PAQR3: variants seen among roughly 807,000 people sequenced by gnomAD.
PAQR3 encodes Raf kinase trapping to Golgi.
A neutral mutation model predicts 41.7 loss-of-function variants in PAQR3; 39 were observed. The observed-to-expected ratio is 0.93, with a 90% CI of 0.72 to 1.22. The LOEUF (loss-of-function observed/expected upper bound fraction) is 1.22, where lower values mean the gene tolerates loss of function less well. PAQR3 is among the 50% of genes most tolerant of loss of function. The pLI is 0.00. For synonymous variants in PAQR3, 140 were observed against 140.6 expected (o/e 1.00, Z 0.03); for missense variants, 366 against 385.6 (o/e 0.95, Z 0.42).
In PAQR3 at chr4:78,917,740, A is replaced by G; in HGVS notation, c.*2799T>C. ...TGCCCCTTGACATTTAATACAGGGC[A>G]AAGTATTATCTAGTAGGTACCTGCC... On this transcript the variant is annotated 3_prime_UTR_variant, in exon 6 of 6. Coordinates refer to ENST00000512733, the MANE Select transcript of PAQR3 (RefSeq NM_001040202.2). 6.6e-6 allele frequency: 6 copies of G among 906,878 alleles called. No homozygotes were observed. The highest frequency in any genetic ancestry group is 7.9e-6 in the Non-Finnish European group (6 of 758,458). 56.2% of individuals were successfully genotyped at this position (906,878 alleles called of 1,614,324 possible).
Position 78,939,107 on chromosome 4 carries a change from G to A in PAQR3, c.118C>T (p.Leu40Phe). The A allele has an allele frequency of 1.2e-6, 2 of 1,613,752 alleles. No homozygotes were observed. The highest frequency in any genetic ancestry group is 1.7e-6 in the Non-Finnish European group (2 of 1,179,822). ...TCGGTGATGTACGGGTTGTCCTTGA[G>A]GGACCCGGGGATCTGCTCGTAGGTG... ...LYTYEQIPGS[L>F]KDNPYITDGY... Residue 40 changes from leucine (L) to phenylalanine (F), a missense_variant, in exon 1 of 6, where the codon CTC becomes TTC. Physicochemically the swap from Leu to Phe is conservative, Grantham distance 22. Coordinates refer to ENST00000512733, the MANE Select transcript of PAQR3 (RefSeq NM_001040202.2).
Position 78,920,073 on chromosome 4 carries a change from T to C in PAQR3, c.*466A>G. ...GATTATTTAAATCTAGTGATTTTAG[T>C]GATTATTTAAAATCACTATCCTAGC... On this transcript the variant is annotated 3_prime_UTR_variant, in exon 6 of 6. Transcript: ENST00000512733. The C allele has an allele frequency of 1.0e-6, 1 of 985,006 alleles. No individual in the cohort carries two copies. The highest frequency in any genetic ancestry group is 1.2e-6 in the Non-Finnish European group (1 of 829,224). The allele number at this position is 985,006 out of a possible 1,614,324, so 61.0% of individuals were successfully genotyped here.
chr4:78,920,429 T>C lies in PAQR3; in HGVS notation c.*110A>G. On this transcript the variant is annotated 3_prime_UTR_variant, in exon 6 of 6. Coordinates refer to ENST00000512733, the MANE Select transcript of PAQR3 (RefSeq NM_001040202.2). ...TCCCATTTTTATAAAGCATTACTCA[T>C]ATTAAAAAGGAAAAAGGGAAAACTA... is the stretch of plus-strand genomic sequence containing the variant. The C allele has an allele frequency of 7.1e-7, 1 of 1,398,884 alleles. No homozygotes were observed. The highest frequency in any genetic ancestry group is 9.3e-7 in the Non-Finnish European group (1 of 1,074,886). The allele number at this position is 1,398,884 out of a possible 1,614,324, so 86.7% of individuals were successfully genotyped here.
chr4:78,891,189 T>A (rs2110080311), intron 11 of PAQR3, among the ~76,000 whole-genome samples: 1 of 152,342 alleles, frequency 6.6e-6, no homozygotes, highest in Middle Eastern at 3.4e-3. Flanking sequence ...TTTTAGCTTC[T>A]CATATTTCTG....
At chr4:78,936,853 T>TA (rs1421455313) in intron 1 of PAQR3, among the ~76,000 whole-genome samples, 1 of 152,212 alleles carries the variant, frequency 6.6e-6, no homozygotes, top group African/African-American at 2.4e-5. Flanking sequence ...GCAAAACTGC[T>TA]ATGACATACA....
chr4:78,934,308 G>T (rs1310489296), intron 2 of PAQR3, among the ~76,000 whole-genome samples: 1 of 152,116 alleles, frequency 6.6e-6, no homozygotes, highest in Non-Finnish European at 1.5e-5. Context: ...CATGATGAAA[G>T]CGACATTTGT....
intron 11 of PAQR3, among the ~76,000 whole-genome samples, chr4:78,896,953 G>A (rs1361958940): frequency 6.6e-6 from 1 of 152,034 alleles, no homozygotes; most frequent in East Asian, 1.9e-4. Flanking sequence ...GCTCCCACTG[G>A]AAGTTTTCAA....
At chr4:78,895,308 C>A (rs531241223) in intron 11 of PAQR3, among the ~76,000 whole-genome samples, 1 of 152,134 alleles carries the variant, frequency 6.6e-6, no homozygotes, top group Non-Finnish European at 1.5e-5. Context: ...TTACACTGAT[C>A]TTTTTAAAGC....
chr4:78,922,239 C>A, intron 5 of PAQR3: 1 of 1,213,326 alleles, frequency 8.2e-7, no homozygotes, highest in Non-Finnish European at 1.1e-6. Flanking sequence ...ATGTTTACAA[C>A]GCAGGTTTTC....
intron 11 of PAQR3, among the ~76,000 whole-genome samples, chr4:78,892,466 C>T (rs1451787917): frequency 4.6e-5 from 7 of 152,072 alleles, no homozygotes; most frequent in Non-Finnish European, 1.0e-4. Context: ...TTTGTGTTTT[C>T]CCCTTTTTAT....
intron 11 of PAQR3, among the ~76,000 whole-genome samples, chr4:78,895,135 A>C (rs1349619004): frequency 2.0e-5 from 3 of 152,204 alleles, no homozygotes; most frequent in Non-Finnish European, 2.9e-5. Context: ...GAATTACCAG[A>C]ATGTGACATA....
At chr4:78,928,436 G>A (rs542566612) in intron 3 of PAQR3, among the ~76,000 whole-genome samples, 2 of 152,142 alleles carry the variant, frequency 1.3e-5, no homozygotes, top group East Asian at 1.9e-4. Flanking sequence ...CAAATGGCTC[G>A]CGTTTAAGTG....
chr4:78,898,084 A>G (rs1193056661), intron 11 of PAQR3, among the ~76,000 whole-genome samples: 1 of 152,178 alleles, frequency 6.6e-6, no homozygotes, highest in Non-Finnish European at 1.5e-5. Flanking sequence ...ACAGGAATGA[A>G]GAGGGCATTC....
At chr4:78,933,289 A>G (rs1033104659) in intron 2 of PAQR3, 4 of 456,084 alleles carry the variant, frequency 8.8e-6, no homozygotes, top group Non-Finnish European at 1.8e-5. Context: ...AAATGGATCA[A>G]ATCAAGGCAT....
chr4:78,910,541 T>C, downstream of PAQR3: 2 of 1,257,340 alleles, frequency 1.6e-6, no homozygotes, highest in East Asian at 2.6e-5. Context: ...GTAATACATA[T>C]TAACATTTAG....
At chr4:78,926,404 A>G (rs1305434900) in intron 4 of PAQR3, 117 bp downstream of exon 4, 1 of 815,524 alleles carries the variant, frequency 1.2e-6, no homozygotes, top group African/African-American at 1.7e-5. Flanking sequence ...GCAATTACAA[A>G]TATGTTCTCA....
In PAQR3 at chr4:78,918,836, A is replaced by C; in HGVS notation, c.*1703T>G. On this transcript the variant is annotated 3_prime_UTR_variant, in exon 6 of 6. Coordinates refer to ENST00000512733, the MANE Select transcript of PAQR3 (RefSeq NM_001040202.2). The stretch of plus-strand genomic sequence containing the variant: ...AATGACAAAATATCTATTAAAAGGC[A>C]ATAAAATCATGTAAGCCAATAAGGG... 1.0e-6 allele frequency: 1 copy of C among 984,716 alleles called. No homozygotes were observed. Among genetic ancestry groups the C allele is most frequent in the Admixed American group, 6.2e-5 (1 of 16,180 alleles). The allele number at this position is 984,716 out of a possible 1,614,324, so 61.0% of individuals were successfully genotyped here.
At chr4:78,907,373 A>C (rs1264136264), downstream of PAQR3, among the ~76,000 whole-genome samples, 1 of 152,186 alleles carries the variant, frequency 6.6e-6, no homozygotes, top group Non-Finnish European at 1.5e-5. Flanking sequence ...AATTTTAAGA[A>C]GACTAGGGAG....
rs1338185862 is a variant in PAQR3, at chr4:78,918,661, T to C, written c.*1878A>G. The stretch of plus-strand genomic sequence containing the variant: ...TTCAAATGGCAAGTATGTATTCATA[T>C]ACTAATACAGGGACTGCAAAAATTG... On this transcript the variant is annotated 3_prime_UTR_variant, in exon 6 of 6. Transcript: ENST00000512733. The C allele has an allele frequency of 3.2e-6, 3 of 952,136 alleles. No individual in the cohort carries two copies. Among genetic ancestry groups the C allele is most frequent in the Non-Finnish European group, 3.8e-6 (3 of 799,708 alleles). The allele number at this position is 952,136 out of a possible 1,614,324, so 59.0% of individuals were successfully genotyped here.
Sources: allele counts gnomAD v4.1 joint callset (sites outside exome capture counted in the v4.1 genomes callset), GRCh38; gene constraint gnomAD v4.1.1; transcripts MANE v1.5; gene names NCBI Gene and HGNC (gene_info 2026-07-23, HGNC 2026-07-21).